PHKB: variants seen among roughly 807,000 people sequenced by gnomAD.
The protein encoded by PHKB is phosphorylase b kinase regulatory subunit beta.
In PHKB, 122 loss-of-function variants were observed where a neutral mutation model predicts 152.1. That is an observed-to-expected ratio of 0.80 (90% CI 0.69 to 0.93). The LOEUF (loss-of-function observed/expected upper bound fraction) is 0.93. PHKB is among the 40% of genes least tolerant of loss of function. The pLI is 0.00. For synonymous variants in PHKB, 436 were observed against 464.9 expected (o/e 0.94, Z 0.80); for missense variants, 1,304 against 1,328.4 (o/e 0.98, Z 0.29).
chr16:47,550,147 G>C (rs1487160040), intron 7 of PHKB, among the ~76,000 whole-genome samples: 1 of 152,194 alleles, frequency 6.6e-6, no homozygotes, highest in African/African-American at 2.4e-5. Context: ...TATCACCTCT[G>C]ATGTCCAAAG....
chr16:47,646,505 A>G (rs1398460153), intron 16 of PHKB, among the ~76,000 whole-genome samples: 1 of 139,854 alleles, frequency 7.2e-6, no homozygotes, highest in African/African-American at 2.7e-5. Context: ...CAATGTGCAT[A>G]TGTACCCTAA....
chr16:47,684,652 A>G, intron 26 of PHKB, among the ~76,000 whole-genome samples: 1 of 152,144 alleles, frequency 6.6e-6, no homozygotes, highest in East Asian at 1.9e-4. Flanking sequence ...CTGTAGTCCC[A>G]GCTACTCGGG....
intron 26 of PHKB, among the ~76,000 whole-genome samples, chr16:47,669,651 TTGTC>T (rs1427762115): frequency 6.6e-6 from 1 of 152,194 alleles, no homozygotes; most frequent in Non-Finnish European, 1.5e-5. Flanking sequence ...AGTAACTCCT[TTGTC>T]TGGTAAAATC....
At chr16:47,572,866 T>C (rs546531832) in intron 7 of PHKB, among the ~76,000 whole-genome samples, 1 of 152,274 alleles carries the variant, frequency 6.6e-6, no homozygotes, top group East Asian at 1.9e-4. Flanking sequence ...CTGAGCACCG[T>C]GTTATGATGT....
intron 13 of PHKB, chr16:47,599,077 G>T: frequency 1.7e-6 from 1 of 579,484 alleles, no homozygotes; most frequent in Non-Finnish European, 3.0e-6. Flanking sequence ...GGTTATCTCT[G>T]GTTAGAATGT....
intron 27 of PHKB, 100 bp downstream of exon 27, chr16:47,689,275 G>C: frequency 7.9e-7 from 1 of 1,271,012 alleles, no homozygotes; most frequent in African/African-American, 1.5e-5. Context: ...ATATTAATAA[G>C]TAAAATTCAA....
chr16:47,479,855 C>G (rs1374873029), intron 1 of PHKB, among the ~76,000 whole-genome samples: 1 of 152,162 alleles, frequency 6.6e-6, no homozygotes, highest in Non-Finnish European at 1.5e-5. Context: ...TTGCAGCTTC[C>G]TTTCACTGGT....
chr16:47,551,390 TC>T, intron 7 of PHKB, among the ~76,000 whole-genome samples: 1 of 152,200 alleles, frequency 6.6e-6, no homozygotes, highest in Middle Eastern at 3.2e-3. Context: ...TTTAGCTGTG[TC>T]CCAGAGATTC....
At chr16:47,635,671 ATCTT>A (rs1385001103) in intron 14 of PHKB, among the ~76,000 whole-genome samples, 1 of 152,178 alleles carries the variant, frequency 6.6e-6, no homozygotes, top group African/African-American at 2.4e-5. Context: ...TTGTAGGTAG[ATCTT>A]TCAATCTAAA....
chr16:47,537,891 TC>T (rs1970979866), intron 6 of PHKB, among the ~76,000 whole-genome samples: 1 of 149,550 alleles, frequency 6.7e-6, no homozygotes, highest in Non-Finnish European at 1.5e-5. Context: ...TCTCTCTCTC[TC>T]TCTCTCTCTC....
At chr16:47,566,355 T>C in intron 7 of PHKB, 1 of 1,426,162 alleles carries the variant, frequency 7.0e-7, no homozygotes, top group East Asian at 2.3e-5. Flanking sequence ...AGAAGAATGA[T>C]CATTCCTGTC....
chr16:47,466,416 A>G (rs1299774573), intron 1 of PHKB, among the ~76,000 whole-genome samples: 1 of 152,240 alleles, frequency 6.6e-6, no homozygotes, highest in Non-Finnish European at 1.5e-5. Context: ...CACCTTGGCA[A>G]TACAGTTCAG....
At chr16:47,623,638 C>T (rs1295461348) in intron 14 of PHKB, among the ~76,000 whole-genome samples, 1 of 146,940 alleles carries the variant, frequency 6.8e-6, no homozygotes, top group Non-Finnish European at 1.5e-5. Context: ...ACTGGAATCT[C>T]TGCCTCCCGG....
intron 13 of PHKB, among the ~76,000 whole-genome samples, chr16:47,609,574 T>C (rs899055002): frequency 6.6e-6 from 1 of 151,954 alleles, no homozygotes; most frequent in African/African-American, 2.4e-5. Flanking sequence ...TGTGTGTGTG[T>C]GTGTAAAGTT....
intron 7 of PHKB, among the ~76,000 whole-genome samples, chr16:47,553,609 G>C (rs1417903411): frequency 1.3e-5 from 2 of 152,132 alleles, no homozygotes; most frequent in East Asian, 1.9e-4. Context: ...TGGAGGAGAA[G>C]AGGCTAATGG....
chr16:47,572,198 G>A (rs1324517525), intron 7 of PHKB, among the ~76,000 whole-genome samples: 1 of 152,160 alleles, frequency 6.6e-6, no homozygotes, highest in Non-Finnish European at 1.5e-5. Context: ...CCAGATTGCA[G>A]CCCACTCCAG....
At chr16:47,568,215 T>TTAC (rs760205790) in intron 7 of PHKB, among the ~76,000 whole-genome samples, 2 of 152,210 alleles carry the variant, frequency 1.3e-5, no homozygotes, top group Non-Finnish European at 2.9e-5. Flanking sequence ...TCACTCCTTG[T>TTAC]TACTGATCAG....
rs1410036268 is a variant in PHKB at position 47,594,191 on chromosome 16, C to T, written c.1181C>T (p.Pro394Leu). The T allele has an allele frequency of 2.6e-6, 4 of 1,565,186 alleles. No homozygotes were observed. Among genetic ancestry groups the T allele is most frequent in the African/African-American group, 2.7e-5 (2 of 74,036 alleles). ...CAGGAATATCAGGATCTTTTGACTCCAGTACTTCATCATACCACAGAAGGT... is the reference window on the plus strand; with the variant it reads ...CAGGAATATCAGGATCTTTTGACTCTAGTACTTCATCATACCACAGAAGGT... ...QVQEYQDLLT[P>L]VLHHTTEGYP... The change falls in exon 12 of 31, where the codon CCA becomes CTA. Residue 394 changes from proline to leucine, a missense_variant. Transcript: ENST00000323584.
At chr16:47,533,952 C>T (rs1294982816) in intron 6 of PHKB, among the ~76,000 whole-genome samples, 1 of 152,166 alleles carries the variant, frequency 6.6e-6, no homozygotes, top group Non-Finnish European at 1.5e-5. Context: ...ACAGCCACAA[C>T]TTGGGCGGCT....
Sources: gnomAD v4.1 joint callset for allele counts (sites outside exome capture counted in the v4.1 genomes callset) on GRCh38, gnomAD v4.1.1 for gene constraint, MANE v1.5 for transcripts, NCBI Gene and HGNC (gene_info 2026-07-23, HGNC 2026-07-21) for gene names.